Variants in SPATA16 observed in about 807,000 individuals in gnomAD.
The protein encoded by SPATA16 is spermatogenesis associated 16.
SPATA16 carries 36 observed loss-of-function variants against 63.3 expected under a neutral mutation model. That is an observed-to-expected ratio of 0.57 (90% CI 0.44 to 0.75). The LOEUF (loss-of-function observed/expected upper bound fraction) is 0.75, where lower values mean the gene tolerates loss of function less well. Ranked by LOEUF, SPATA16 falls within the 30% of genes least tolerant of loss-of-function variation. The probability of loss-of-function intolerance (pLI) is 0.00; values close to 1 mark genes in which losing one functional copy is unlikely to be tolerated. For missense variants in SPATA16, 646 were observed against 679.3 expected, an observed-to-expected ratio of 0.95 and a Z score of 0.54; for synonymous variants, 203 against 216.7, an observed-to-expected ratio of 0.94 and a Z score of 0.56.
At chr3:172,925,159 A>AG in intron 7 of SPATA16, among the ~76,000 whole-genome samples, 187 bp downstream of exon 7, 1 of 151,548 alleles carries the variant, frequency 6.6e-6, no homozygotes, top group Admixed American at 6.6e-5. Flanking sequence ...GATTAGAGTG[A>AG]GGGGGGTGGG....
chr3:173,106,724 T>C (rs1284048958), intron 2 of SPATA16, among the ~76,000 whole-genome samples: 1 of 152,130 alleles, frequency 6.6e-6, no homozygotes, highest in Non-Finnish European at 1.5e-5. Flanking sequence ...GCTGCCCTTC[T>C]GTTTTATCCT....
chr3:173,028,089 CTT>C (rs1735510574), intron 3 of SPATA16, among the ~76,000 whole-genome samples: 1 of 134,788 alleles, frequency 7.4e-6, no homozygotes, highest in African/African-American at 2.8e-5. Flanking sequence ...CTCTCTCTCT[CTT>C]TCTTTCTTTC....
At chr3:173,084,899 C>T (rs1737010539) in intron 2 of SPATA16, among the ~76,000 whole-genome samples, 1 of 152,058 alleles carries the variant, frequency 6.6e-6, no homozygotes, top group East Asian at 1.9e-4. Context: ...GTACCAGTAC[C>T]ATGCTGTTTT....
intron 2 of SPATA16, among the ~76,000 whole-genome samples, chr3:173,102,562 A>G: frequency 6.6e-6 from 1 of 152,066 alleles, no homozygotes; most frequent in Non-Finnish European, 1.5e-5. Flanking sequence ...CTTTTAAACA[A>G]CGAGATCTCA....
In SPATA16 at chr3:172,889,607, GT is replaced by G; in HGVS notation, c.1672del (p.Thr558GlnfsTer3). The part of the protein sequence containing the change: ...KKLRTARRQK[T>X]KMKRLQTVQQ... Reference sequence around the variant, plus strand: ...AACAGTTTGAAGTCGCTTCATTTTTGTTTTTTGCCTTCGAGCAGTTCTCAGT... The same window carrying G: ...AACAGTTTGAAGTCGCTTCATTTTTGTTTTTGCCTTCGAGCAGTTCTCAGT... On this transcript the variant is annotated frameshift_variant, in exon 11 of 11. Transcript: ENST00000351008. LOFTEE classifies it high-confidence loss of function. The G allele has an allele frequency of 1.9e-6, 3 of 1,612,382 alleles. No homozygotes were observed. The highest frequency in any genetic ancestry group is 4.5e-5 in the East Asian group (2 of 44,730).
intron 9 of SPATA16, among the ~76,000 whole-genome samples, chr3:172,915,169 A>G (rs1017091595): frequency 3.3e-5 from 5 of 152,148 alleles, no homozygotes; most frequent in Non-Finnish European, 1.5e-5. Flanking sequence ...GCACACAACC[A>G]TAAAGTTTAG....
chr3:172,906,522 C>G (rs1732241208), intron 10 of SPATA16, among the ~76,000 whole-genome samples: 2 of 152,140 alleles, frequency 1.3e-5, no homozygotes, highest in Admixed American at 1.3e-4. Context: ...CCAAATTCCA[C>G]TTTGGTTGGA....
intron 2 of SPATA16, among the ~76,000 whole-genome samples, chr3:173,090,926 G>A (rs569122274): frequency 7.2e-4 from 109 of 152,176 alleles, no homozygotes; most frequent in Non-Finnish European, 1.3e-3. Context: ...TTGCTTCTGG[G>A]CACCTCTCTT....
At chr3:173,101,682 T>G (rs1737500462) in intron 2 of SPATA16, among the ~76,000 whole-genome samples, 1 of 152,150 alleles carries the variant, frequency 6.6e-6, no homozygotes, top group African/African-American at 2.4e-5. Flanking sequence ...GCCTTTCACA[T>G]TTTTATCTCC....
At chr3:172,923,157 T>C (rs965580163) in intron 8 of SPATA16, among the ~76,000 whole-genome samples, 3 of 152,054 alleles carry the variant, frequency 2.0e-5, no homozygotes, top group African/African-American at 4.8e-5. Flanking sequence ...TGTGGGTCTT[T>C]AGGTTGGTGT....
intron 2 of SPATA16, among the ~76,000 whole-genome samples, chr3:173,064,342 G>GAAAAAA (rs1553798594): frequency 1.7e-4 from 20 of 114,326 alleles, no homozygotes; most frequent in African/African-American, 7.8e-4. Context: ...AAAAAAAAAG[G>GAAAAAA]AAGGGAATTA....
intron 10 of SPATA16, among the ~76,000 whole-genome samples, chr3:172,901,171 T>C (rs1004641725): frequency 1.3e-5 from 2 of 152,196 alleles, no homozygotes; most frequent in Non-Finnish European, 2.9e-5. Context: ...CATTAAATCA[T>C]TTTTATAATG....
intron 5 of SPATA16, among the ~76,000 whole-genome samples, chr3:172,971,251 T>A (rs945591328): frequency 1.1e-4 from 16 of 152,220 alleles, no homozygotes; most frequent in African/African-American, 3.6e-4. Flanking sequence ...AAAAGTTGTT[T>A]ACAATTGTGA....
At chr3:173,088,083 T>TGTC (rs1737125940) in intron 2 of SPATA16, among the ~76,000 whole-genome samples, 1 of 123,930 alleles carries the variant, frequency 8.1e-6, no homozygotes, top group African/African-American at 3.5e-5. Flanking sequence ...TCTTTCTGTC[T>TGTC]TTTCTTTTTT....
chr3:172,898,377 T>G (rs1732053132), intron 10 of SPATA16, among the ~76,000 whole-genome samples: 1 of 152,008 alleles, frequency 6.6e-6, no homozygotes, highest in Admixed American at 6.6e-5. Context: ...CTTGGAGATG[T>G]CTGGGGAGTT....
intron 4 of SPATA16, among the ~76,000 whole-genome samples, chr3:172,984,831 G>A (rs73175095): frequency 0.061 from 9,246 of 152,138 alleles, 391 homozygotes; most frequent in Non-Finnish European, 0.085. Context: ...AAAAAACAAC[G>A]GTACTACTAC....
intron 2 of SPATA16, among the ~76,000 whole-genome samples, chr3:173,108,088 T>C (rs1184269820): frequency 2.6e-5 from 4 of 152,200 alleles, no homozygotes; most frequent in East Asian, 1.9e-4. Flanking sequence ...CTGTAAACTA[T>C]GGAAATAATC....
In SPATA16 at chr3:173,110,269, A is replaced by G. The variant is rs958411865; in HGVS notation, c.612+6851T>C. On this transcript the variant is annotated intron_variant, in intron 2 of 10. Coordinates refer to ENST00000351008, the MANE Select transcript of SPATA16 (RefSeq NM_031955.6). ...CTATCTCTAGAATAACAATTTGTGC[A>G]TTTAAGTGAAGGCTTATATTTGTGC... Among the ~76,000 whole-genome samples the G allele has an allele frequency of 3.3e-5, 5 of 152,322 alleles. No homozygotes were observed. The East Asian group carries it at 9.6e-4, about 29-fold the overall frequency.
At chr3:173,028,420 C>G (rs907679276) in intron 3 of SPATA16, among the ~76,000 whole-genome samples, 1 of 151,804 alleles carries the variant, frequency 6.6e-6, no homozygotes, top group Non-Finnish European at 1.5e-5. Flanking sequence ...AATAAGGAAT[C>G]TAATGAAATG....
Sources: gnomAD v4.1 joint callset for allele counts (sites outside exome capture counted in the v4.1 genomes callset) on GRCh38, gnomAD v4.1.1 for gene constraint, MANE v1.5 for transcripts, NCBI Gene and HGNC (gene_info 2026-07-23, HGNC 2026-07-21) for gene names.